PPM1H: variants seen among roughly 807,000 people sequenced by gnomAD.
The protein encoded by PPM1H is protein phosphatase 1H.
Under a neutral mutation model 54.9 loss-of-function variants are expected in PPM1H, and 27 were observed. The ratio of observed to expected loss-of-function variants is 0.49; its 90% confidence interval spans 0.36 to 0.68. The LOEUF (loss-of-function observed/expected upper bound fraction) is 0.68, where lower values mean the gene tolerates loss of function less well. PPM1H is among the 30% of genes least tolerant of loss of function. The pLI, the probability that PPM1H is intolerant of heterozygous loss-of-function variation, is 0.00. For synonymous variants in PPM1H, 305 were observed against 270.8 expected (o/e 1.13, Z -1.24); for missense variants, 596 against 667.8 (o/e 0.89, Z 1.19).
rs1555201315 is a variant in PPM1H, at chr12:62,852,250, A to AG, written c.246-19972_246-19971insC. On this transcript the variant is annotated intron_variant, in intron 1 of 9. Coordinates refer to ENST00000228705, the MANE Select transcript of PPM1H (RefSeq NM_020700.2). ...TCTCAAAAAAAAAAAAAAAAAAAAA[A>AG]AGAGATGGGGCTTTTGGGAGGTAAT... is the stretch of plus-strand genomic sequence containing the variant. 5.2e-4 allele frequency among the ~76,000 whole-genome samples: 75 copies of AG among 142,996 alleles called. 1 individual carries two copies. The highest frequency in any genetic ancestry group is 2.6e-3 in the Admixed American group (36 of 13,672). 93.8% of individuals were successfully genotyped at this position (142,996 alleles called of 152,430 possible). A position where few individuals can be genotyped will look rare whatever the true frequency, so the allele number is the denominator to read the frequency against.
At chr12:62,781,082 G>A (rs183252496) in intron 4 of PPM1H, among the ~76,000 whole-genome samples, 19 of 152,308 alleles carry the variant, frequency 1.2e-4, no homozygotes, top group African/African-American at 3.1e-4. Flanking sequence ...AATGACAGAC[G>A]AAAAGTCCGC....
intron 1 of PPM1H, among the ~76,000 whole-genome samples, chr12:62,871,826 A>G (rs1869998552): frequency 6.6e-6 from 1 of 152,242 alleles, no homozygotes; most frequent in South Asian, 2.1e-4. Flanking sequence ...AAAATTGTAT[A>G]TCTTAAATGG....
At chr12:62,891,427 T>C (rs1870793364) in intron 1 of PPM1H, among the ~76,000 whole-genome samples, 1 of 152,226 alleles carries the variant, frequency 6.6e-6, no homozygotes, top group Admixed American at 6.5e-5. Context: ...TTTTAGATAA[T>C]TAGATTTTTC....
chr12:62,920,907 A>G (rs1565829629), intron 1 of PPM1H, among the ~76,000 whole-genome samples: 1 of 152,098 alleles, frequency 6.6e-6, no homozygotes, highest in Non-Finnish European at 1.5e-5. Flanking sequence ...TAGCATTTTT[A>G]TGTAATTAAT....
chr12:62,656,325 G>T (rs927247600), intron 9 of PPM1H, among the ~76,000 whole-genome samples: 1 of 152,164 alleles, frequency 6.6e-6, no homozygotes, highest in African/African-American at 2.4e-5. Flanking sequence ...CAAGGCTCCT[G>T]TAACAGCCAT....
intron 1 of PPM1H, among the ~76,000 whole-genome samples, chr12:62,843,671 A>G (rs1250245973): frequency 2.0e-5 from 3 of 152,252 alleles, no homozygotes; most frequent in African/African-American, 7.2e-5. Flanking sequence ...GTATTACTGC[A>G]AATGTACATT....
At chr12:62,820,841 T>C (rs2076898807) in intron 2 of PPM1H, among the ~76,000 whole-genome samples, 1 of 152,122 alleles carries the variant, frequency 6.6e-6, no homozygotes, top group South Asian at 2.1e-4. Flanking sequence ...CTGAAAATTC[T>C]AAAAACCAGA....
At chr12:62,814,926 G>A (rs2076856756) in intron 2 of PPM1H, among the ~76,000 whole-genome samples, 1 of 152,198 alleles carries the variant, frequency 6.6e-6, no homozygotes, top group African/African-American at 2.4e-5. Context: ...TTTCTGGCCA[G>A]TTTTCCAGGA....
At chr12:62,928,398 C>A (rs998146323) in intron 1 of PPM1H, among the ~76,000 whole-genome samples, 1 of 152,208 alleles carries the variant, frequency 6.6e-6, no homozygotes, top group Non-Finnish European at 1.5e-5. Flanking sequence ...AATCCTGCAT[C>A]TTTTGCACCA....
At position 62,786,363 on chromosome 12, in the gene PPM1H, G is replaced by T. The variant is rs540903676; in HGVS notation, c.869+1863C>A. ...GAAAGGAGGGGTAGCAGATGTGCTG[G>T]TTCTTTTCCATCTGTCCCCATCCTG... On this transcript the variant is annotated intron_variant, in intron 4 of 9. Coordinates refer to ENST00000228705, the MANE Select transcript of PPM1H (RefSeq NM_020700.2). 1.1e-4 allele frequency among the ~76,000 whole-genome samples: 17 copies of T among 152,328 alleles called. No individual in the cohort carries two copies. In the East Asian group the frequency reaches 3.1e-3, roughly 28 times the overall value.
chr12:62,659,104 G>A (rs2075864738), intron 9 of PPM1H: 2 of 731,834 alleles, frequency 2.7e-6, no homozygotes, highest in Admixed American at 1.7e-5. Context: ...AAATCTTACT[G>A]TGCTGAGATC....
At chr12:62,901,413 T>A (rs187782720) in intron 1 of PPM1H, among the ~76,000 whole-genome samples, 2 of 152,370 alleles carry the variant, frequency 1.3e-5, no homozygotes, top group Non-Finnish European at 2.9e-5. Flanking sequence ...AGCTTGCCAC[T>A]TCACAGATGA....
intron 9 of PPM1H, among the ~76,000 whole-genome samples, chr12:62,660,912 C>G (rs1158755141): frequency 6.6e-6 from 1 of 152,148 alleles, no homozygotes; most frequent in Non-Finnish European, 1.5e-5. Flanking sequence ...TTGTTTCTCA[C>G]CATCAGATTT....
Position 62,903,379 on chromosome 12 carries a change from G to A in PPM1H, c.245+31113C>T, listed in dbSNP as rs78963731. Among the ~76,000 whole-genome samples, 1,441 of 152,226 alleles carry A rather than the reference G, an allele frequency of 9.5e-3. 24 individuals carry two copies. Among genetic ancestry groups the A allele is most frequent in the African/African-American group, 0.033 (1,380 of 41,524 alleles). On this transcript the variant is annotated intron_variant, in intron 1 of 9. Transcript: ENST00000228705. ...CAACAGGAAGTCAAGCACATGCACC[G>A]TCCAGAAATACCCTGAAATGTTATT...
intron 8 of PPM1H, among the ~76,000 whole-genome samples, chr12:62,681,626 G>C (rs923393857): frequency 6.6e-6 from 1 of 152,160 alleles, no homozygotes; most frequent in African/African-American, 2.4e-5. Context: ...TTTAAAAAAA[G>C]AAATTGTCCT....
intron 2 of PPM1H, among the ~76,000 whole-genome samples, chr12:62,822,137 A>G (rs12824615): frequency 6.6e-6 from 1 of 152,304 alleles, no homozygotes; most frequent in East Asian, 1.9e-4. Context: ...TTTAAACCAA[A>G]GAAGATCAGA....
chr12:62,774,093 T>C (rs975922495), intron 4 of PPM1H, among the ~76,000 whole-genome samples: 97 of 152,340 alleles, frequency 6.4e-4, no homozygotes, highest in African/African-American at 2.1e-3. Flanking sequence ...GGTCAGTCTC[T>C]GGCTGGATAC....
chr12:62,711,718 A>G (rs1288914864), intron 6 of PPM1H, among the ~76,000 whole-genome samples: 2 of 152,210 alleles, frequency 1.3e-5, no homozygotes, highest in South Asian at 2.1e-4. Context: ...GAAATAGTTC[A>G]GCCACTTTAG....
intron 5 of PPM1H, among the ~76,000 whole-genome samples, chr12:62,733,402 G>C (rs902556951): frequency 2.6e-5 from 4 of 152,042 alleles, no homozygotes; most frequent in Non-Finnish European, 4.4e-5. Context: ...TTAGAGGCGC[G>C]TGCCACCATA....
Sources: allele counts gnomAD v4.1 joint callset (sites outside exome capture counted in the v4.1 genomes callset), GRCh38; gene constraint gnomAD v4.1.1; transcripts MANE v1.5; gene names NCBI Gene and HGNC (gene_info 2026-07-23, HGNC 2026-07-21).